PARVB: variants seen among roughly 807,000 people sequenced by gnomAD.
PARVB encodes parvin beta, also known as beta-parvin.
PARVB carries 46 observed loss-of-function variants against 47.0 expected under a neutral mutation model. The observed-to-expected ratio is 0.98, with a 90% confidence interval of 0.77 to 1.25. The LOEUF is 1.25. PARVB is among the 50% of genes most tolerant of loss of function. The probability of loss-of-function intolerance (pLI) is 0.00; values close to 1 mark genes in which losing one functional copy is unlikely to be tolerated. For synonymous variants in PARVB, 196 were observed against 196.3 expected, an observed-to-expected ratio of 1.00 and a Z score of 0.01; for missense variants, 473 against 471.6, an observed-to-expected ratio of 1.00 and a Z score of -0.03.
intron 10 of PARVB, chr22:44,153,764 C>A (rs890066423): frequency 6.6e-6 from 1 of 152,046 alleles, no homozygotes; most frequent in Admixed American, 6.6e-5. Context: ...GATCCTTTTT[C>A]CCTTGCTCGA....
chr22:44,035,368 C>CA (rs1390780711), intron 1 of PARVB, among the ~76,000 whole-genome samples: 18 of 118,042 alleles, frequency 1.5e-4, no homozygotes, highest in African/African-American at 3.0e-4. Context: ...TTTCTTTTTC[C>CA]TTTTTTTTTT....
chr22:44,094,680 G>A (rs1297924953), intron 2 of PARVB, among the ~76,000 whole-genome samples: 2 of 151,580 alleles, frequency 1.3e-5, no homozygotes, highest in African/African-American at 2.4e-5. Context: ...TTGTAGAGAT[G>A]GGGTCTTGCC....
chr22:44,015,914 G>C (rs1047489926), intron 2 of PARVB, among the ~76,000 whole-genome samples: 2 of 151,958 alleles, frequency 1.3e-5, no homozygotes, highest in African/African-American at 4.8e-5. Context: ...AGTTTTTCAC[G>C]CCTTATACAA....
intron 2 of PARVB, among the ~76,000 whole-genome samples, chr22:44,013,268 T>TGTAAA (rs746885366): frequency 6.6e-6 from 1 of 152,220 alleles, no homozygotes; most frequent in Non-Finnish European, 1.5e-5. Flanking sequence ...AACTCACACA[T>TGTAAA]GTAAAGAATC....
At chr22:44,114,488 C>T (rs1337352263) in intron 3 of PARVB, 1 of 70,296 alleles carries the variant, frequency 1.4e-5, no homozygotes, top group Admixed American at 1.3e-4. Flanking sequence ...AGGCCCTGCA[C>T]CAGCACAGAT....
intron 5 of PARVB, among the ~76,000 whole-genome samples, chr22:44,131,846 A>G (rs1287609759): frequency 6.6e-6 from 1 of 152,184 alleles, no homozygotes; most frequent in East Asian, 1.9e-4. Flanking sequence ...TCAGGCCACA[A>G]TTCTCCATCC....
Position 44,115,794 on chromosome 22 carries a change from C to A in PARVB, c.274-3244C>A, listed in dbSNP as rs1378430518. ...CAGATACATTGTTAGTAACTAAGGC[C>A]CTGCACCAACACAGATACATTGTTA... On this transcript the variant is annotated intron_variant, in intron 3 of 12. Transcript: ENST00000338758. 3.7e-5 allele frequency: 5 copies of A among 135,460 alleles called. 1 individual carries two copies. In the Admixed American group the frequency reaches 3.8e-4, roughly 10 times the overall value. 8.4% of individuals were successfully genotyped at this position (135,460 alleles called of 1,614,324 possible).
Position 44,061,764 on chromosome 22 carries a change from G to A in PARVB, c.113-32164G>A, listed in dbSNP as rs928883139. ...CCCGAGTAGCTGAGACTATAGGTGC[G>A]CACTACCACACCCAGCTAATTTTTG... On this transcript the variant is annotated intron_variant, in intron 1 of 12. Transcript: ENST00000338758. Among the ~76,000 whole-genome samples the A allele has an allele frequency of 2.0e-5, 3 of 151,878 alleles. No homozygotes were observed. In the South Asian group the frequency reaches 6.2e-4, roughly 32 times the overall value.
intron 1 of PARVB, among the ~76,000 whole-genome samples, chr22:44,071,166 C>T (rs1569090971): frequency 6.6e-6 from 1 of 152,164 alleles, no homozygotes. Flanking sequence ...AGTACATTAG[C>T]AGAGTCAAGA....
chr22:44,129,061 A>G (rs2053253110), intron 4 of PARVB, among the ~76,000 whole-genome samples: 2 of 152,134 alleles, frequency 1.3e-5, no homozygotes, highest in Admixed American at 1.3e-4. Flanking sequence ...CTGGGTGACG[A>G]GAGTGAAACT....
rs558959155 is a variant in PARVB at position 44,100,981 on chromosome 22, T to C, written c.273+858T>C. On this transcript the variant is annotated intron_variant, in intron 3 of 12. Transcript: ENST00000338758. ...CAGTGTCTGCCAGAAACAGACATTTTTCTATTAAAAGTGCTTTTTAAAAAG... is the reference window on the plus strand; with the variant it reads ...CAGTGTCTGCCAGAAACAGACATTTCTCTATTAAAAGTGCTTTTTAAAAAG... 3.9e-5 allele frequency among the ~76,000 whole-genome samples: 6 copies of C among 152,312 alleles called. No individual in the cohort carries two copies. In the East Asian group the frequency reaches 7.7e-4, roughly 20 times the overall value.
At chr22:44,150,702 A>G (rs5764564) in intron 9 of PARVB, 59,247 of 151,424 alleles carry the variant, frequency 0.39, 12,466 homozygotes, top group East Asian at 0.79. Context: ...TCAAACCTGT[A>G]GCTGTCTAGT....
chr22:44,066,937 G>A (rs1670388362), intron 1 of PARVB, among the ~76,000 whole-genome samples: 1 of 151,796 alleles, frequency 6.6e-6, no homozygotes, highest in African/African-American at 2.4e-5. Flanking sequence ...GCAGTGGGAT[G>A]GTCATAGGCT....
chr22:44,011,698 C>G (rs1256277594), intron 2 of PARVB, among the ~76,000 whole-genome samples: 1 of 152,028 alleles, frequency 6.6e-6, no homozygotes. Flanking sequence ...CTTACACACC[C>G]CTGCCGTAGA....
Position 44,163,700 on chromosome 22 carries a change from T to C in PARVB, c.946-158T>C, listed in dbSNP as rs1296688058. ...CCCTCCGCAGACTTCCTCACCCGTG[T>C]CTGCCCACCCTGTGGCCCGCCCCGG... On this transcript the variant is annotated intron_variant, in intron 11 of 12. Coordinates refer to ENST00000338758, the MANE Select transcript of PARVB (RefSeq NM_013327.5). 2.6e-5 allele frequency among the ~76,000 whole-genome samples: 4 copies of C among 152,168 alleles called. No individual in the cohort carries two copies. The East Asian group carries it at 7.7e-4, about 29-fold the overall frequency.
chr22:44,080,451 C>T (rs1286285120), intron 1 of PARVB, among the ~76,000 whole-genome samples: 2 of 152,200 alleles, frequency 1.3e-5, no homozygotes, highest in Non-Finnish European at 2.9e-5. Context: ...TCTTCAAAGC[C>T]ATCTCCCGAT....
intron 11 of PARVB, among the ~76,000 whole-genome samples, chr22:44,158,700 C>T (rs1390249791): frequency 6.6e-6 from 1 of 152,238 alleles, no homozygotes; most frequent in East Asian, 1.9e-4. Flanking sequence ...TGCCCTCGTG[C>T]GTGGGCCTCT....
chr22:44,133,100 T>C (rs562735321), intron 6 of PARVB, 91 bp downstream of exon 6: 11 of 764,146 alleles, frequency 1.4e-5, no homozygotes, highest in African/African-American at 5.3e-5. Context: ...CCCTCCTTTT[T>C]TCCCCCCAGG....
chr22:44,147,170 G>A (rs763406453), intron 8 of PARVB: 11 of 176,166 alleles, frequency 6.2e-5, no homozygotes, highest in African/African-American at 1.4e-4. Flanking sequence ...GGAGGATAAC[G>A]CTGAGTCTGA....
Sources: allele counts gnomAD v4.1 joint callset (sites outside exome capture counted in the v4.1 genomes callset), GRCh38; gene constraint gnomAD v4.1.1; transcripts MANE v1.5; gene names NCBI Gene and HGNC (gene_info 2026-07-23, HGNC 2026-07-21).